GDPD4: variants seen among roughly 807,000 people sequenced by gnomAD.
GDPD4 encodes glycerophosphodiester phosphodiesterase 6.
In GDPD4, 60 loss-of-function variants were observed where a neutral mutation model predicts 67.8. The observed-to-expected ratio is 0.88, with a 90% confidence interval of 0.72 to 1.10. The LOEUF is 1.10. Ranked by LOEUF, GDPD4 falls within the 50% of genes least tolerant of loss-of-function variation. GDPD4 has a pLI of 0.00. For synonymous variants in GDPD4, 212 were observed against 210.9 expected (o/e 1.00, Z -0.04); for missense variants, 623 against 613.9 (o/e 1.01, Z -0.16).
chr11:77,225,942 A>T (rs1958327833), intron 16 of GDPD4, among the ~76,000 whole-genome samples: 1 of 152,096 alleles, frequency 6.6e-6, no homozygotes, highest in Admixed American at 6.5e-5. Context: ...CACCTTCTAG[A>T]TATCTCTTTG....
chr11:77,223,298 G>T (rs1437554933), intron 16 of GDPD4, among the ~76,000 whole-genome samples: 2 of 151,650 alleles, frequency 1.3e-5, no homozygotes, highest in Non-Finnish European at 3.0e-5. Context: ...AGAAGAGGCA[G>T]TCTGGTTTCT....
At chr11:77,227,160 A>G (rs192941847) in intron 16 of GDPD4, among the ~76,000 whole-genome samples, 1 of 152,286 alleles carries the variant, frequency 6.6e-6, no homozygotes, top group Non-Finnish European at 1.5e-5. Flanking sequence ...ACAACCCTCA[A>G]AGAAACTCTA....
chr11:77,275,535 T>C (rs184507118), intron 5 of GDPD4, among the ~76,000 whole-genome samples: 24 of 152,218 alleles, frequency 1.6e-4, no homozygotes, highest in Middle Eastern at 3.4e-3. Flanking sequence ...AAAACACACA[T>C]AGAAAACGTC....
intron 3 of GDPD4, among the ~76,000 whole-genome samples, chr11:77,284,857 T>A (rs1271806935): frequency 6.6e-6 from 1 of 152,206 alleles, no homozygotes. Flanking sequence ...GAGCCAGATT[T>A]AGTCTAAGTA....
In GDPD4 at chr11:77,269,064, G is replaced by T. The variant is rs111528463; in HGVS notation, c.484C>A (p.Gln162Lys). ...CNVITRLRGL[Q>K]VPVGLPFLLI... ...AGAAAGGGTAATCCAACAGGCACTT[G>T]TAGACCTGAAAAATTTGAAAGGAAG... The change falls in exon 9 of 17, where the codon CAA becomes AAA. Residue 162 changes from glutamine (Q) to lysine (K), a missense_variant. By Grantham distance (53) the Gln-to-Lys change is moderately conservative. Transcript: ENST00000315938. 6.7e-4 allele frequency: 1,085 copies of T among 1,612,516 alleles called. 8 individuals are homozygous for T. In the African/African-American group the frequency reaches 0.012, roughly 18 times the overall value.
intron 15 of GDPD4, 103 bp downstream of exon 15, chr11:77,229,047 C>A (rs1372796761): frequency 1.7e-6 from 1 of 587,574 alleles, no homozygotes; most frequent in African/African-American, 1.9e-5. Flanking sequence ...CGCCATCTTG[C>A]CATGTGGGAT....
chr11:77,264,383 G>A (rs780549221), intron 10 of GDPD4, among the ~76,000 whole-genome samples: 4 of 152,082 alleles, frequency 2.6e-5, no homozygotes, highest in Admixed American at 1.3e-4. Context: ...TGAACTTGGG[G>A]TAGGGATCAA....
intron 13 of GDPD4, among the ~76,000 whole-genome samples, chr11:77,238,187 A>C (rs1958598775): frequency 6.6e-6 from 1 of 152,230 alleles, no homozygotes; most frequent in Admixed American, 6.5e-5. Flanking sequence ...ATCAAGAAAA[A>C]CAGAAAAAAT....
At chr11:77,246,110 C>A (rs182003807) in intron 11 of GDPD4, among the ~76,000 whole-genome samples, 2 of 152,274 alleles carry the variant, frequency 1.3e-5, no homozygotes, top group East Asian at 3.9e-4. Context: ...CATAGTGAGA[C>A]CCTTGTCTCT....
chr11:77,235,019 T>TTTTTTTTG (rs1555115902), intron 13 of GDPD4, among the ~76,000 whole-genome samples: 72 of 129,962 alleles, frequency 5.5e-4, no homozygotes, highest in African/African-American at 1.7e-3. Context: ...GTTTTTTTTT[T>TTTTTTTTG]TTTTTTTTTT....
At chr11:77,252,355 C>T (rs1366209766) in intron 11 of GDPD4, among the ~76,000 whole-genome samples, 2 of 152,114 alleles carry the variant, frequency 1.3e-5, no homozygotes, top group East Asian at 1.9e-4. Flanking sequence ...TGAGCCACCA[C>T]ATCCGGCTGG....
At chr11:77,218,488 C>T (rs1431367401) in intron 16 of GDPD4, among the ~76,000 whole-genome samples, 2 of 152,112 alleles carry the variant, frequency 1.3e-5, no homozygotes, top group African/African-American at 4.8e-5. Context: ...TTGCTGCACC[C>T]ATCAACTCGT....
rs111887447 is a variant in GDPD4, at chr11:77,273,885, A to C, written c.207+2276T>G. ...GAGGTCTCAGAAGACGCTGGTGAGGAAAGTGTCAGCATCCTTGAAAAGCAC... is the reference window on the plus strand; with the variant it reads ...GAGGTCTCAGAAGACGCTGGTGAGGCAAGTGTCAGCATCCTTGAAAAGCAC... On this transcript the variant is annotated intron_variant, in intron 5 of 16. Coordinates refer to ENST00000315938, the MANE Select transcript of GDPD4 (RefSeq NM_182833.3). 2.3e-3 allele frequency among the ~76,000 whole-genome samples: 357 copies of C among 152,350 alleles called. 1 individual carries two copies. Among genetic ancestry groups the C allele is most frequent in the African/African-American group, 7.8e-3 (326 of 41,588 alleles).
At chr11:77,279,966 T>C (rs1959682603) in intron 3 of GDPD4, among the ~76,000 whole-genome samples, 1 of 152,160 alleles carries the variant, frequency 6.6e-6, no homozygotes, top group African/African-American at 2.4e-5. Context: ...AAACAGAAAT[T>C]TCCTCCTCTC....
chr11:77,251,371 A>C lies in GDPD4; in HGVS notation c.865-5869T>G, dbSNP rs138085395. Among the ~76,000 whole-genome samples the C allele has an allele frequency of 1.9e-3, 285 of 151,904 alleles. 1 individual carries two copies. Among genetic ancestry groups the C allele is most frequent in the Non-Finnish European group, 3.0e-3 (204 of 67,964 alleles). ...TTATCACCTTTTTGCTTCCAGATGC[A>C]GGGATCCCTTGAATATTTCTTATAG... is the stretch of plus-strand genomic sequence containing the variant. On this transcript the variant is annotated intron_variant, in intron 11 of 16. Transcript: ENST00000315938.
chr11:77,235,189 C>A (rs961154553), intron 13 of GDPD4, among the ~76,000 whole-genome samples: 1 of 151,632 alleles, frequency 6.6e-6, no homozygotes, highest in East Asian at 1.9e-4. Context: ...CTGTTCATAT[C>A]CTTTACCCAC....
At chr11:77,262,692 C>T (rs1425697196) in intron 10 of GDPD4, among the ~76,000 whole-genome samples, 1 of 151,862 alleles carries the variant, frequency 6.6e-6, no homozygotes, top group Non-Finnish European at 1.5e-5. Flanking sequence ...TCTCCCTGTC[C>T]CTTGACTTTA....
chr11:77,254,994 C>T (rs984521475), intron 11 of GDPD4, among the ~76,000 whole-genome samples: 7 of 152,132 alleles, frequency 4.6e-5, no homozygotes, highest in African/African-American at 1.7e-4. Context: ...TCTAACCATA[C>T]AGCATGAAAG....
intron 16 of GDPD4, among the ~76,000 whole-genome samples, chr11:77,227,016 A>C (rs189840086): frequency 7.2e-5 from 11 of 152,170 alleles, no homozygotes; most frequent in Admixed American, 6.5e-4. Flanking sequence ...TGATTTTGTG[A>C]CTGTTCCAAC....
Sources: gnomAD v4.1 joint callset for allele counts (sites outside exome capture counted in the v4.1 genomes callset) on GRCh38, gnomAD v4.1.1 for gene constraint, MANE v1.5 for transcripts, NCBI Gene and HGNC (gene_info 2026-07-23, HGNC 2026-07-21) for gene names.